Variants in LRPPRC observed in about 807,000 individuals in gnomAD.
LRPPRC encodes the protein leucine rich pentatricopeptide repeat containing.
Under a neutral mutation model 180.3 loss-of-function variants are expected in LRPPRC, and 120 were observed. The observed-to-expected ratio is 0.67, with a 90% CI of 0.57 to 0.77. The LOEUF (loss-of-function observed/expected upper bound fraction) is 0.77, where lower values mean the gene tolerates loss of function less well. LRPPRC is among the 30% of genes least tolerant of loss of function. The pLI, the probability that LRPPRC is intolerant of heterozygous loss-of-function variation, is 0.00. For missense variants in LRPPRC, 2,012 were observed against 1,657.2 expected, an observed-to-expected ratio of 1.21 and a Z score of -3.72; for synonymous variants, 723 against 600.0, an observed-to-expected ratio of 1.21 and a Z score of -3.00.
At chr2:43,917,530 C>T (rs1671515552) in intron 29 of LRPPRC, among the ~76,000 whole-genome samples, 1 of 150,062 alleles carries the variant, frequency 6.7e-6, no homozygotes, top group Non-Finnish European at 1.5e-5. Context: ...TGGCTGATGC[C>T]TATAATCCCA....
intron 15 of LRPPRC, among the ~76,000 whole-genome samples, chr2:43,950,145 C>A (rs991388485): frequency 2.0e-5 from 3 of 152,004 alleles, no homozygotes; most frequent in Non-Finnish European, 2.9e-5. Context: ...AACTTCCATT[C>A]ATCTTAATGA....
At chr2:43,893,938 G>A (rs982558007) in intron 36 of LRPPRC, among the ~76,000 whole-genome samples, 1 of 152,110 alleles carries the variant, frequency 6.6e-6, no homozygotes, top group African/African-American at 2.4e-5. Flanking sequence ...AGATGGAGAG[G>A]TGATCATGAT....
intron 1 of LRPPRC, among the ~76,000 whole-genome samples, chr2:43,991,786 T>C (rs1281054996): frequency 1.3e-5 from 2 of 152,190 alleles, no homozygotes; most frequent in African/African-American, 4.8e-5. Flanking sequence ...ATTACTAATG[T>C]CTAATAATTT....
At chr2:43,980,413 C>A (rs946401295) in intron 2 of LRPPRC, among the ~76,000 whole-genome samples, 2 of 151,830 alleles carry the variant, frequency 1.3e-5, no homozygotes, top group African/African-American at 2.4e-5. Flanking sequence ...ATTAGCTGGG[C>A]GAGATGGCGC....
chr2:43,913,577 T>A (rs923641823), intron 29 of LRPPRC, among the ~76,000 whole-genome samples: 1 of 152,200 alleles, frequency 6.6e-6, no homozygotes, highest in Non-Finnish European at 1.5e-5. Context: ...TAAGTGGCAC[T>A]GTCAAAGAAA....
At position 43,925,224 on chromosome 2, in the gene LRPPRC, C is replaced by T. The variant is rs1201282644; in HGVS notation, c.2806-67G>A. 3.0e-5 allele frequency: 26 copies of T among 863,362 alleles called. 1 individual carries two copies. The highest frequency in any genetic ancestry group is 4.6e-5 in the Non-Finnish European group (23 of 496,824). The allele number at this position is 863,362 out of a possible 1,614,324, so 53.5% of individuals were successfully genotyped here. ...GATGTATTTTACAGTTAACAAATAG[C>T]AGTGGAATAATCTTTCAAATTAGCT... On this transcript the variant is annotated intron_variant, in intron 26 of 37. Transcript: ENST00000260665.
chr2:43,986,986 C>G (rs1674554260), intron 1 of LRPPRC, among the ~76,000 whole-genome samples: 1 of 152,302 alleles, frequency 6.6e-6, no homozygotes, highest in East Asian at 1.9e-4. Context: ...TTATCTCCTA[C>G]GTTTTCACCA....
At chr2:43,993,013 T>C (rs1674855811) in intron 1 of LRPPRC, among the ~76,000 whole-genome samples, 1 of 152,088 alleles carries the variant, frequency 6.6e-6, no homozygotes, top group Non-Finnish European at 1.5e-5. Flanking sequence ...CAGCATTTAA[T>C]AGGTGAACAG....
rs749591804 is a variant in LRPPRC, at chr2:43,947,224, T to C, written c.2079+33A>G. ...TTATTGTTACCAAGAATTTTTTGCC[T>C]TAATAATATTTAAATATTAAAACAA... On this transcript the variant is annotated intron_variant, in intron 20 of 37. Coordinates refer to ENST00000260665, the MANE Select transcript of LRPPRC (RefSeq NM_133259.4). 12 of 1,097,650 alleles carry C rather than the reference T, an allele frequency of 1.1e-5. 1 individual carries two copies. The East Asian group carries it at 3.0e-4, about 27-fold the overall frequency. 68.0% of individuals were successfully genotyped at this position (1,097,650 alleles called of 1,614,324 possible).
At chr2:43,924,663 G>C (rs1671813024) in intron 27 of LRPPRC, among the ~76,000 whole-genome samples, 1 of 152,096 alleles carries the variant, frequency 6.6e-6, no homozygotes, top group Admixed American at 6.6e-5. Flanking sequence ...AGATATGCAA[G>C]ATAAGCATCT....
chr2:43,889,718 A>C lies in LRPPRC; in HGVS notation c.4128+16T>G. ...TCTGCAGAGGTATTTTTTCCCCTTA[A>C]TTAAGAAATACTCACAGGGGGTTCA... is the stretch of plus-strand genomic sequence containing the variant. On this transcript the variant is annotated intron_variant, in intron 37 of 37. Transcript: ENST00000260665. The C allele has an allele frequency of 6.2e-7, 1 of 1,600,812 alleles. No individual in the cohort carries two copies. Among genetic ancestry groups the C allele is most frequent in the Non-Finnish European group, 8.6e-7 (1 of 1,168,682 alleles).
chr2:43,898,753 ATGTT>A (rs1386874028), intron 34 of LRPPRC, among the ~76,000 whole-genome samples: 1 of 152,222 alleles, frequency 6.6e-6, no homozygotes, highest in Non-Finnish European at 1.5e-5. Flanking sequence ...GGCACTGAGA[ATGTT>A]TGAGTATTCA....
At chr2:43,896,832 A>G (rs1262617225) in intron 34 of LRPPRC, 124 bp from the exon 35 acceptor site, 1 of 680,654 alleles carries the variant, frequency 1.5e-6, no homozygotes, top group African/African-American at 1.8e-5. Flanking sequence ...AGGAAGGCCT[A>G]ATAGTCGACT....
At position 43,976,212 on chromosome 2, in the gene LRPPRC, A is replaced by G; in HGVS notation, c.668T>C (p.Met223Thr). 1.9e-6 allele frequency: 3 copies of G among 1,608,220 alleles called. No individual in the cohort carries two copies. The highest frequency in any genetic ancestry group is 1.1e-5 in the South Asian group (1 of 90,974). The change falls in exon 6 of 38, where the codon ATG becomes ACG. Residue 223 changes from methionine to threonine, a missense_variant. Met to Thr is a moderately conservative substitution (Grantham distance 81, BLOSUM62 -1). Coordinates refer to ENST00000260665, the MANE Select transcript of LRPPRC (RefSeq NM_133259.4). ...IEGASKILGF[M>T]KTKDLPVTEA... is the part of the protein sequence containing the mutation. ...TGTAACTGGGAGATCCTTAGTTTTC[A>G]TAAATCCAAGAATCTTGCTGCAAAG...
intron 21 of LRPPRC, 78 bp downstream of exon 21, chr2:43,946,035 T>C: frequency 7.2e-7 from 1 of 1,391,374 alleles, no homozygotes; most frequent in Non-Finnish European, 1.0e-6. Context: ...AAGAGAGTAA[T>C]ATTCCATCTA....
At chr2:43,963,885 C>T (rs1673453352) in intron 11 of LRPPRC, 179 bp from the exon 12 acceptor site, 1 of 620,672 alleles carries the variant, frequency 1.6e-6, no homozygotes, top group South Asian at 1.9e-5. Flanking sequence ...ATTAACTCCT[C>T]CTTTCTTCAT....
chr2:43,967,488 T>C (rs962417633), intron 11 of LRPPRC, among the ~76,000 whole-genome samples: 7 of 152,170 alleles, frequency 4.6e-5, no homozygotes, highest in African/African-American at 1.4e-4. Flanking sequence ...TAACCTAATA[T>C]CTTCAAATCT....
At chr2:43,984,496 A>C (rs1229979898) in intron 1 of LRPPRC, among the ~76,000 whole-genome samples, 1 of 152,218 alleles carries the variant, frequency 6.6e-6, no homozygotes, top group Non-Finnish European at 1.5e-5. Context: ...TCTCCTTCTC[A>C]TAAGTGTGCT....
At chr2:43,964,892 G>A (rs756244377) in intron 11 of LRPPRC, among the ~76,000 whole-genome samples, 43 of 152,126 alleles carry the variant, frequency 2.8e-4, no homozygotes, top group Non-Finnish European at 5.6e-4. Flanking sequence ...CCAATAAATG[G>A]TGCTGGAGCT....
Sources: allele counts gnomAD v4.1 joint callset (sites outside exome capture counted in the v4.1 genomes callset), GRCh38; gene constraint gnomAD v4.1.1; transcripts MANE v1.5; gene names NCBI Gene and HGNC (gene_info 2026-07-23, HGNC 2026-07-21).